The following RUNX2 variants were observed in gnomAD, a reference collection of about 807,000 sequenced individuals.
RUNX2 encodes the protein runt-related transcription factor 2.
RUNX2 carries 10 observed loss-of-function variants against 51.7 expected under a neutral mutation model. The ratio of observed to expected loss-of-function variants is 0.19; its 90% confidence interval spans 0.12 to 0.33. The LOEUF is 0.33. RUNX2 is among the 10% of genes least tolerant of loss of function. The probability of loss-of-function intolerance (pLI) is 1.00; values close to 1 mark genes in which losing one functional copy is unlikely to be tolerated. For synonymous variants in RUNX2, 276 were observed against 273.6 expected (o/e 1.01, Z -0.09); for missense variants, 562 against 691.3 (o/e 0.81, Z 2.10).
At chr6:45,488,489 T>C (rs1800352241) in intron 5 of RUNX2, among the ~76,000 whole-genome samples, 1 of 152,196 alleles carries the variant, frequency 6.6e-6, no homozygotes, top group African/African-American at 2.4e-5. Flanking sequence ...GTCATTGCTA[T>C]AAATAGGTAG....
intron 5 of RUNX2, among the ~76,000 whole-genome samples, chr6:45,469,627 T>C (rs1229000740): frequency 2.0e-5 from 3 of 152,230 alleles, no homozygotes; most frequent in Admixed American, 6.5e-5. Context: ...TTCTGAAATG[T>C]ACAGATCAAA....
chr6:45,361,456 A>G (rs16873366), intron 2 of RUNX2: 20,346 of 152,178 alleles, frequency 0.13, 1,576 homozygotes, highest in East Asian at 0.26. Context: ...AAAGTAAGGA[A>G]GAACTCAGAG....
intron 7 of RUNX2, among the ~76,000 whole-genome samples, chr6:45,535,228 A>G (rs1801993706): frequency 6.6e-6 from 1 of 151,700 alleles, no homozygotes; most frequent in African/African-American, 2.4e-5. Context: ...CTGCACATGT[A>G]CCCTTGAACT....
In RUNX2 at chr6:45,328,627, T is replaced by A. The variant is rs781581214; in HGVS notation, c.-66-34T>A. On this transcript the variant is annotated intron_variant, in intron 1 of 8. Coordinates refer to ENST00000647337, the MANE Select transcript of RUNX2 (RefSeq NM_001024630.4). ...ATGTACTCCAGGCATACTGTAAAACTAAAACAAGGTTTGGGTATGGTTTGT... is the reference window on the plus strand; with the variant it reads ...ATGTACTCCAGGCATACTGTAAAACAAAAACAAGGTTTGGGTATGGTTTGT... The A allele has an allele frequency of 8.1e-6, 13 of 1,609,586 alleles. No homozygotes were observed. The East Asian group carries it at 2.9e-4, about 36-fold the overall frequency.
At chr6:45,356,396 T>G (rs1793188064) in intron 2 of RUNX2, among the ~76,000 whole-genome samples, 1 of 151,940 alleles carries the variant, frequency 6.6e-6, no homozygotes, top group Non-Finnish European at 1.5e-5. Context: ...CAATTCTCAT[T>G]TCTTTTTTTT....
At chr6:45,366,825 G>T (rs546119667) in intron 2 of RUNX2, among the ~76,000 whole-genome samples, 1 of 152,218 alleles carries the variant, frequency 6.6e-6, no homozygotes, top group African/African-American at 2.4e-5. Context: ...CTTTCTGTAT[G>T]TTCTCAGACC....
chr6:45,353,183 C>T (rs980666757), intron 2 of RUNX2, among the ~76,000 whole-genome samples: 2 of 151,926 alleles, frequency 1.3e-5, no homozygotes, highest in African/African-American at 4.8e-5. Context: ...ATGAATTGCA[C>T]AGACCAATGT....
At chr6:45,433,786 T>C (rs1161679442) in intron 4 of RUNX2, among the ~76,000 whole-genome samples, 1 of 152,088 alleles carries the variant, frequency 6.6e-6, no homozygotes, top group Non-Finnish European at 1.5e-5. Flanking sequence ...ATTTTTATAT[T>C]TAAAAAAAAA....
At position 45,530,553 on chromosome 6, in the gene RUNX2, G is replaced by A. The variant is rs1801810490; in HGVS notation, c.1022-14664G>A. ...GGTCCAGTGCAGTTAGATGACAGTG[G>A]ACTCTGGCAGCTTATCAAGCTGCTG... On this transcript the variant is annotated intron_variant, in intron 7 of 8. Transcript: ENST00000647337. 2.0e-5 allele frequency among the ~76,000 whole-genome samples: 3 copies of A among 152,332 alleles called. No homozygotes were observed. In the South Asian group the frequency reaches 6.2e-4, roughly 32 times the overall value.
chr6:45,481,777 A>C (rs1800122623), intron 5 of RUNX2, among the ~76,000 whole-genome samples: 1 of 152,212 alleles, frequency 6.6e-6, no homozygotes, highest in Admixed American at 6.5e-5. Context: ...AAGGAGGCTC[A>C]GGCAGTTTAG....
intron 2 of RUNX2, among the ~76,000 whole-genome samples, chr6:45,347,643 C>T (rs1258248699): frequency 6.6e-6 from 1 of 151,662 alleles, no homozygotes; most frequent in Non-Finnish European, 1.5e-5. Flanking sequence ...ATGCACATGA[C>T]AGAGAAAAAA....
intron 2 of RUNX2, chr6:45,377,281 T>A (rs1357146952): frequency 6.6e-6 from 1 of 152,092 alleles, no homozygotes; most frequent in Admixed American, 6.5e-5. Flanking sequence ...AGCTAAATAA[T>A]TTCCCCAGGG....
chr6:45,497,931 C>A (rs1800693998), intron 6 of RUNX2, among the ~76,000 whole-genome samples: 1 of 152,134 alleles, frequency 6.6e-6, no homozygotes, highest in Non-Finnish European at 1.5e-5. Context: ...CTATTAGTTA[C>A]CATTTATTAA....
intron 5 of RUNX2, among the ~76,000 whole-genome samples, chr6:45,478,779 C>T (rs1168322395): frequency 6.6e-6 from 1 of 152,206 alleles, no homozygotes; most frequent in Admixed American, 6.5e-5. Context: ...GAGAAGTTCA[C>T]ACTTGCTATT....
At chr6:45,377,474 A>T (rs1159920151) in intron 2 of RUNX2, 1 of 151,800 alleles carries the variant, frequency 6.6e-6, no homozygotes, top group Non-Finnish European at 1.5e-5. Flanking sequence ...GCTTCTCAGC[A>T]CAGCCCAGCC....
intron 5 of RUNX2, among the ~76,000 whole-genome samples, chr6:45,462,792 C>T (rs1033278095): frequency 1.3e-5 from 2 of 152,154 alleles, no homozygotes; most frequent in Admixed American, 6.5e-5. Context: ...ATAATTTGAA[C>T]TTGAATGAAA....
At chr6:45,350,836 G>A (rs191298368) in intron 2 of RUNX2, among the ~76,000 whole-genome samples, 87 of 152,220 alleles carry the variant, frequency 5.7e-4, no homozygotes, top group Admixed American at 4.9e-3. Flanking sequence ...TTTTCAGACG[G>A]ATTTATAATA....
At chr6:45,363,411 G>A (rs1794600203) in intron 2 of RUNX2, among the ~76,000 whole-genome samples, 1 of 152,106 alleles carries the variant, frequency 6.6e-6, no homozygotes, top group East Asian at 1.9e-4. Context: ...GGAGAGTAGG[G>A]AGAAAGGTTA....
intron 7 of RUNX2, among the ~76,000 whole-genome samples, chr6:45,542,179 C>T (rs1802250680): frequency 1.3e-5 from 2 of 152,120 alleles, no homozygotes; most frequent in Admixed American, 6.6e-5. Flanking sequence ...TGGTTTCACA[C>T]ACTTTCCACT....
Sources: gnomAD v4.1 joint callset for allele counts (sites outside exome capture counted in the v4.1 genomes callset) on GRCh38, gnomAD v4.1.1 for gene constraint, MANE v1.5 for transcripts, NCBI Gene and HGNC (gene_info 2026-07-23, HGNC 2026-07-21) for gene names.